FERRY3: variants seen among roughly 807,000 people sequenced by gnomAD.
FERRY3 encodes protein C12orf4.
chr12:4,505,458 C>G, the FERRY3 span: 3 of 1,001,012 alleles, frequency 3.0e-6, no homozygotes, highest in Non-Finnish European at 3.0e-6. Context: ...CCAAAAGAAT[C>G]ACAACAACAG....
the FERRY3 span, among the ~76,000 whole-genome samples, chr12:4,494,552 C>T: frequency 6.6e-6 from 1 of 152,154 alleles, no homozygotes; most frequent in African/African-American, 2.4e-5. Context: ...TATACGAATA[C>T]CCAGTTGTTT....
the FERRY3 span, chr12:4,509,052 G>C: frequency 1.3e-5 from 2 of 151,694 alleles, no homozygotes; most frequent in African/African-American, 4.9e-5. Flanking sequence ...GTGGGTGCGC[G>C]AGCCGAAGCA....
chr12:4,514,940 T>A, the FERRY3 span, among the ~76,000 whole-genome samples: 1 of 150,658 alleles, frequency 6.6e-6, no homozygotes, highest in East Asian at 1.9e-4. Context: ...AAACCTATGG[T>A]ACCAATTTAA....
chr12:4,535,174 C>CTCTATTA, the FERRY3 span, among the ~76,000 whole-genome samples: 1 of 152,188 alleles, frequency 6.6e-6, no homozygotes. This position sits in a 1 kb window ranked among gnomAD's most constrained non-coding sequence, Gnocchi z 4.0. Flanking sequence ...CTGGCTTTGG[C>CTCTATTA]TCTATTATTA....
chr12:4,505,213 T>A, the FERRY3 span: 1 of 798,114 alleles, frequency 1.3e-6, no homozygotes, highest in South Asian at 1.5e-5. Context: ...TATACTAAAA[T>A]CATAGATTTA....
At chr12:4,498,793 C>A in the FERRY3 span, among the ~76,000 whole-genome samples, 1 of 152,260 alleles carries the variant, frequency 6.6e-6, no homozygotes, top group Non-Finnish European at 1.5e-5. Context: ...CACCTCAGAT[C>A]ATCAGGCATT....
the FERRY3 span, among the ~76,000 whole-genome samples, chr12:4,521,820 A>C: frequency 6.6e-6 from 1 of 152,192 alleles, no homozygotes; most frequent in Non-Finnish European, 1.5e-5. Context: ...GTGAAACCTA[A>C]AACAATAAAA....
At chr12:4,518,673 C>G in the FERRY3 span, 3 of 753,748 alleles carry the variant, frequency 4.0e-6, no homozygotes, top group East Asian at 9.5e-5. Flanking sequence ...GCCTGGGCAA[C>G]ATAGCGAAAC....
chr12:4,533,446 T>TA, the FERRY3 span, among the ~76,000 whole-genome samples: 1 of 152,290 alleles, frequency 6.6e-6, no homozygotes, highest in African/African-American at 2.4e-5. Context: ...ACCACCAACT[T>TA]ACCGAAACTG....
At chr12:4,516,422 C>T in the FERRY3 span, among the ~76,000 whole-genome samples, 1 of 152,148 alleles carries the variant, frequency 6.6e-6, no homozygotes, top group East Asian at 1.9e-4. Flanking sequence ...CACGCATGGT[C>T]TTCGCAGTAC....
At chr12:4,528,373 T>G in the FERRY3 span, among the ~76,000 whole-genome samples, 1 of 152,166 alleles carries the variant, frequency 6.6e-6, no homozygotes, top group Non-Finnish European at 1.5e-5. Context: ...CTTTTTAAAC[T>G]ATATTCACAA....
At chr12:4,499,666 T>C in the FERRY3 span, among the ~76,000 whole-genome samples, 4 of 152,212 alleles carry the variant, frequency 2.6e-5, no homozygotes, top group Non-Finnish European at 5.9e-5. Context: ...GGCTGGCTTC[T>C]TCCTGTCATC....
At chr12:4,522,695 A>G in the FERRY3 span, among the ~76,000 whole-genome samples, 1 of 152,260 alleles carries the variant, frequency 6.6e-6, no homozygotes, top group Admixed American at 6.5e-5. Context: ...TGAAAGAGAA[A>G]TCAAAACACA....
the FERRY3 span, among the ~76,000 whole-genome samples, chr12:4,504,786 A>G: frequency 6.6e-6 from 1 of 152,228 alleles, no homozygotes; most frequent in African/African-American, 2.4e-5. Flanking sequence ...GGATCTAGAA[A>G]AAAGTGAGTA....
the FERRY3 span, chr12:4,500,331 T>C: frequency 2.5e-6 from 4 of 1,613,268 alleles, no homozygotes; most frequent in Non-Finnish European, 8.5e-7. Context: ...CCGTGTAATA[T>C]AAAATTCCCC....
the FERRY3 span, among the ~76,000 whole-genome samples, chr12:4,517,692 T>C: frequency 7.0e-6 from 1 of 143,360 alleles, no homozygotes; most frequent in South Asian, 2.1e-4. Context: ...AAAATATATA[T>C]ATATATATAT....
At chr12:4,536,165 A>C in the FERRY3 span, 2 of 1,594,890 alleles carry the variant, frequency 1.3e-6, no homozygotes, top group Non-Finnish European at 1.7e-6. Flanking sequence ...CTCTCTCTCT[A>C]TTGCAGAATC....
chr12:4,527,739 G>C, the FERRY3 span, among the ~76,000 whole-genome samples: 1 of 151,656 alleles, frequency 6.6e-6, no homozygotes, highest in Non-Finnish European at 1.5e-5. Context: ...TCAAGCTAGC[G>C]GTTTGGACAG....
At chr12:4,499,567 C>A in the FERRY3 span, among the ~76,000 whole-genome samples, 2 of 152,146 alleles carry the variant, frequency 1.3e-5, no homozygotes, top group Non-Finnish European at 2.9e-5. Flanking sequence ...AAATTATAGT[C>A]CGTAACAAAA....
Sources: allele counts gnomAD v4.1 joint callset (sites outside exome capture counted in the v4.1 genomes callset), GRCh38; gene constraint gnomAD v4.1.1; non-coding constraint Gnocchi (gnomAD v3.1); transcripts MANE v1.5; gene names NCBI Gene and HGNC (gene_info 2026-07-23, HGNC 2026-07-21).